The following SVOPL variants were observed in gnomAD, a reference collection of about 807,000 sequenced individuals.
The protein encoded by SVOPL is SVOP like.
SVOPL carries 60 observed loss-of-function variants against 61.0 expected under a neutral mutation model. The ratio of observed to expected loss-of-function variants is 0.98; its 90% confidence interval spans 0.80 to 1.22. The LOEUF (loss-of-function observed/expected upper bound fraction) is 1.22, where lower values mean the gene tolerates loss of function less well. Among genes scored for constraint, SVOPL ranks in the 50% most tolerant of loss-of-function variants. The probability of loss-of-function intolerance (pLI) is 0.00; values close to 1 mark genes in which losing one functional copy is unlikely to be tolerated. For synonymous variants in SVOPL, 279 were observed against 250.0 expected (o/e 1.12, Z -1.09); for missense variants, 662 against 643.9 (o/e 1.03, Z -0.30).
chr7:138,694,092 A>G (rs1803013384), intron 1 of SVOPL, among the ~76,000 whole-genome samples: 1 of 152,232 alleles, frequency 6.6e-6, no homozygotes, highest in African/African-American at 2.4e-5. Context: ...CTATTGGCAG[A>G]CGTGTAAATT....
At chr7:138,618,255 G>A (rs928249315) in intron 14 of SVOPL, among the ~76,000 whole-genome samples, 28 of 152,122 alleles carry the variant, frequency 1.8e-4, no homozygotes, top group South Asian at 6.2e-4. Flanking sequence ...CACATTTACC[G>A]AGTGCTTACT....
At chr7:138,667,526 T>C (rs966595598) in intron 4 of SVOPL, among the ~76,000 whole-genome samples, 1 of 152,166 alleles carries the variant, frequency 6.6e-6, no homozygotes, top group Non-Finnish European at 1.5e-5. Flanking sequence ...TCCTTTACTC[T>C]CCCTTTTTTC....
chr7:138,637,451 G>GAT (rs1563108568), intron 9 of SVOPL, among the ~76,000 whole-genome samples: 17 of 36,018 alleles, frequency 4.7e-4, no homozygotes, highest in African/African-American at 2.2e-3. Flanking sequence ...TAGATAGATA[G>GAT]ATAGATATAT....
chr7:138,614,733 A>G (rs760439078), intron 14 of SVOPL, among the ~76,000 whole-genome samples: 5 of 152,134 alleles, frequency 3.3e-5, no homozygotes, highest in Non-Finnish European at 7.3e-5. Context: ...GGTTGAAGGG[A>G]CGAGGCTGGA....
chr7:138,596,204 A>AAAAG (rs1563076175), intron 15 of SVOPL, among the ~76,000 whole-genome samples: 2 of 151,598 alleles, frequency 1.3e-5, no homozygotes, highest in Non-Finnish European at 2.9e-5. Context: ...AAAAAAAAAA[A>AAAAG]AAAGAAAGAA....
At chr7:138,612,447 TAAAAAAAAAAA>T in intron 14 of SVOPL, among the ~76,000 whole-genome samples, 1 of 22,324 alleles carries the variant, frequency 4.5e-5, no homozygotes, top group Non-Finnish European at 9.2e-5. Context: ...AAAAAAAAAA[TAAAAAAAAAAA>T]AAAAAGAAAG....
At chr7:138,647,708 C>T (rs1012621749) in intron 8 of SVOPL, among the ~76,000 whole-genome samples, 11 of 151,532 alleles carry the variant, frequency 7.3e-5, no homozygotes, top group Non-Finnish European at 1.0e-4. Flanking sequence ...ATTAGTCGGG[C>T]GTGGTGGTGC....
intron 5 of SVOPL, chr7:138,662,021 G>A: frequency 1.0e-6 from 1 of 985,446 alleles, no homozygotes; most frequent in Non-Finnish European, 1.2e-6. Context: ...TTCACTGGGG[G>A]CAAAAGGGTG....
rs1563095928 is a variant in SVOPL at position 138,622,014 on chromosome 7, CTATG to C, written c.1264-883_1264-880del. ...TGTATCTATCTATCTATGTATCTATCTATGTATCTATCTATCTATCTATGTATCT... is the reference window on the plus strand; with the variant it reads ...TGTATCTATCTATCTATGTATCTATCTATCTATCTATCTATCTATGTATCT... On this transcript the variant is annotated intron_variant, in intron 13 of 15. Coordinates refer to ENST00000674285, the MANE Select transcript of SVOPL (RefSeq NM_001139456.2). Among the ~76,000 whole-genome samples, 41 of 74,988 alleles carry C rather than the reference CTATG, an allele frequency of 5.5e-4. 1 individual carries two copies. Among genetic ancestry groups the C allele is most frequent in the Non-Finnish European group, 7.5e-4 (29 of 38,466 alleles). 49.2% of individuals were successfully genotyped at this position (74,988 alleles called of 152,430 possible). A position where few individuals can be genotyped will look rare whatever the true frequency, so the allele number is the denominator to read the frequency against.
At position 138,672,031 on chromosome 7, in the gene SVOPL, T is replaced by A; in HGVS notation, c.261A>T (p.Ala87=). Residue 87 remains alanine (A), a synonymous_variant, in exon 4 of 16, where the codon GCA becomes GCT. Coordinates refer to ENST00000674285, the MANE Select transcript of SVOPL (RefSeq NM_001139456.2). The part of the protein sequence containing the change: ...CEWQLENWQV[A]LVTTMVFFGY... The stretch of plus-strand genomic sequence containing the variant: ...AGCAGGTACTTACCGTGGTTACTAA[T>A]GCCACCTGCCAATTCTCCAGTTGCC... 6.4e-7 allele frequency: 1 copy of A among 1,551,692 alleles called. No individual in the cohort carries two copies. Among genetic ancestry groups the A allele is most frequent in the Non-Finnish European group, 8.7e-7 (1 of 1,147,000 alleles).
chr7:138,648,246 C>A (rs894670689), intron 8 of SVOPL, among the ~76,000 whole-genome samples: 5 of 152,018 alleles, frequency 3.3e-5, no homozygotes, highest in African/African-American at 1.2e-4. Context: ...GGAAGAGGGG[C>A]AACGAGGCAG....
chr7:138,655,571 G>T (rs771724946), intron 7 of SVOPL, among the ~76,000 whole-genome samples: 1 of 148,442 alleles, frequency 6.7e-6, no homozygotes, highest in Admixed American at 6.8e-5. Context: ...CTACACACAC[G>T]CACACACACA....
rs187716585 is a variant in SVOPL at position 138,691,773 on chromosome 7, T to C, written c.-35+9405A>G. On this transcript the variant is annotated intron_variant, in intron 1 of 15. Coordinates refer to ENST00000674285, the MANE Select transcript of SVOPL (RefSeq NM_001139456.2). ...CCAGGCTGATCTCGAACTCCTGACCTCAGGTGATCCACCCACCTCGGCCTC... is the reference window on the plus strand; with the variant it reads ...CCAGGCTGATCTCGAACTCCTGACCCCAGGTGATCCACCCACCTCGGCCTC... 2.4e-3 allele frequency among the ~76,000 whole-genome samples: 366 copies of C among 152,142 alleles called. 2 individuals carry two copies. The highest frequency in any genetic ancestry group is 8.4e-3 in the African/African-American group (347 of 41,514).
chr7:138,684,122 T>G (rs1030108198), intron 1 of SVOPL, among the ~76,000 whole-genome samples: 2 of 151,672 alleles, frequency 1.3e-5, no homozygotes, highest in African/African-American at 4.8e-5. Flanking sequence ...CCCAGCACTT[T>G]GGGAGGCCGA....
intron 14 of SVOPL, among the ~76,000 whole-genome samples, chr7:138,611,896 G>GCA (rs1799039813): frequency 3.0e-5 from 1 of 33,584 alleles, no homozygotes; most frequent in Non-Finnish European, 5.9e-5. Context: ...TGGGAGGTGT[G>GCA]CCCAACAGCT....
At chr7:138,687,947 G>A (rs959964213) in intron 1 of SVOPL, among the ~76,000 whole-genome samples, 10 of 151,666 alleles carry the variant, frequency 6.6e-5, no homozygotes, top group Non-Finnish European at 1.3e-4. Flanking sequence ...GATTACAGGT[G>A]TGCACCACCA....
rs370536229 is a variant in SVOPL at position 138,678,094 on chromosome 7, C to G, written c.174+340G>C. On this transcript the variant is annotated intron_variant, in intron 3 of 15. Coordinates refer to ENST00000674285, the MANE Select transcript of SVOPL (RefSeq NM_001139456.2). ...ATCTTTTATCTTAACTTGAACATCTCCTTTCTATCAATCCCAGGTCTGTAG... is the reference window on the plus strand; with the variant it reads ...ATCTTTTATCTTAACTTGAACATCTGCTTTCTATCAATCCCAGGTCTGTAG... Among the ~76,000 whole-genome samples, 7 of 152,224 alleles carry G rather than the reference C, an allele frequency of 4.6e-5. No individual in the cohort carries two copies. In the East Asian group the frequency reaches 9.6e-4, roughly 21 times the overall value.
rs1420331801 is a variant in SVOPL, at chr7:138,597,121, C to T, written c.1354-591G>A. 3 of 1,276,608 alleles carry T rather than the reference C, an allele frequency of 2.3e-6. No homozygotes were observed. In the Admixed American group the frequency reaches 7.1e-5, roughly 30 times the overall value. 79.1% of individuals were successfully genotyped at this position (1,276,608 alleles called of 1,614,324 possible). A position where few individuals can be genotyped will look rare whatever the true frequency, so the allele number is the denominator to read the frequency against. On this transcript the variant is annotated intron_variant, in intron 14 of 15. Coordinates refer to ENST00000674285, the MANE Select transcript of SVOPL (RefSeq NM_001139456.2). The stretch of plus-strand genomic sequence containing the variant: ...ACACATGCTTTGGCCTGGATCTTTT[C>T]ACGCAGATACTGGTAATTCAGATAC...
chr7:138,623,716 G>A (rs117314219), intron 13 of SVOPL, among the ~76,000 whole-genome samples: 2,459 of 152,216 alleles, frequency 0.016, 35 homozygotes, highest in Non-Finnish European at 0.026. Flanking sequence ...ACCATGTTAC[G>A]CATAGATTTT....
Sources: allele counts gnomAD v4.1 joint callset (sites outside exome capture counted in the v4.1 genomes callset), GRCh38; gene constraint gnomAD v4.1.1; transcripts MANE v1.5; gene names NCBI Gene and HGNC (gene_info 2026-07-23, HGNC 2026-07-21).